TENM1: variants seen among roughly 807,000 people sequenced by gnomAD.
The protein encoded by TENM1 is teneurin-1.
TENM1 carries 35 observed loss-of-function variants against 174.8 expected under a neutral mutation model. The observed-to-expected ratio is 0.20, with a 90% CI of 0.15 to 0.27. TENM1 has a LOEUF of 0.27. Ranked by LOEUF, TENM1 falls within the 10% of genes least tolerant of loss-of-function variation. The probability of loss-of-function intolerance (pLI) is 1.00; values close to 1 mark genes in which losing one functional copy is unlikely to be tolerated. For missense variants in TENM1, 1,633 were observed against 2,130.1 expected (o/e 0.77, Z 4.59); for synonymous variants, 781 against 798.7 (o/e 0.98, Z 0.37).
intron 1 of TENM1, among the ~76,000 whole-genome samples, chrX:124,914,529 C>G (rs915760438): frequency 9.0e-6 from 1 of 111,692 alleles, no homozygotes; most frequent in East Asian, 2.8e-4. Context: ...TTAAAAGACG[C>G]CTTACATTTT....
intron 3 of TENM1, among the ~76,000 whole-genome samples, chrX:124,827,171 C>T (rs1378198776): frequency 1.8e-5 from 2 of 111,508 alleles, no homozygotes; most frequent in African/African-American, 6.5e-5. Context: ...CTGCCTCAGC[C>T]TCCTGAGTAG....
chrX:124,910,978 C>T lies in TENM1; in HGVS notation c.218-14737G>A, dbSNP rs932955193. Among the ~76,000 whole-genome samples the T allele has an allele frequency of 3.7e-5, 4 of 108,885 alleles. No individual in the cohort carries two copies. The East Asian group carries it at 8.6e-4, about 23-fold the overall frequency. 94.6% of individuals were successfully genotyped at this position (108,885 alleles called of 115,157 possible). ...ACCCAGGCTTTGGAGTGCAGTGGTG[C>T]GATCACAGCTCACTGCAGCTTTGAC... is the stretch of plus-strand genomic sequence containing the variant. On this transcript the variant is annotated intron_variant, in intron 1 of 31. Coordinates refer to ENST00000422452, the Ensembl canonical transcript of TENM1.
intron 25 of TENM1, among the ~76,000 whole-genome samples, chrX:124,411,475 G>T (rs906674693): frequency 1.3e-4 from 14 of 111,451 alleles, no homozygotes; most frequent in Non-Finnish European, 1.9e-4. Flanking sequence ...TTTCCTTTCT[G>T]TGGCCAGAGA....
the TENM1 span, among the ~76,000 whole-genome samples, chrX:125,139,101 G>A: frequency 9.0e-6 from 1 of 111,684 alleles, no homozygotes; most frequent in African/African-American, 3.3e-5. Context: ...TAAAGCACTG[G>A]GGATACCAAT....
In TENM1 at chrX:124,840,741, C is replaced by T. The variant is rs996224551; in HGVS notation, c.535+53555G>A. Among the ~76,000 whole-genome samples, 3 of 111,908 alleles carry T rather than the reference C, an allele frequency of 2.7e-5. No individual in the cohort carries two copies. The Admixed American group carries it at 2.9e-4, about 11-fold the overall frequency. Reference sequence around the variant, plus strand: ...AATCAGATCCTGCTTAAAATATGTGCTAATCAGTACTCAACTGCCTAGTTG... The same window carrying T: ...AATCAGATCCTGCTTAAAATATGTGTTAATCAGTACTCAACTGCCTAGTTG... On this transcript the variant is annotated intron_variant, in intron 3 of 31. Coordinates refer to ENST00000422452, the Ensembl canonical transcript of TENM1.
chrX:125,132,165 G>C, the TENM1 span, among the ~76,000 whole-genome samples: 2 of 111,526 alleles, frequency 1.8e-5, no homozygotes, highest in Non-Finnish European at 3.8e-5. Flanking sequence ...TCTACATAGT[G>C]GCTTTCTCAA....
chrX:124,891,042 G>A (rs964538987), intron 3 of TENM1, among the ~76,000 whole-genome samples: 1 of 111,330 alleles, frequency 9.0e-6, no homozygotes, highest in African/African-American at 3.3e-5. Context: ...AAATAAGTCA[G>A]GCACAGAAAG....
the TENM1 span, among the ~76,000 whole-genome samples, chrX:125,188,696 G>A: frequency 2.7e-5 from 3 of 111,779 alleles, no homozygotes; most frequent in Admixed American, 9.5e-5. Context: ...ACCTTATAAT[G>A]ACAACAGGGT....
At chrX:125,122,891 A>G in the TENM1 span, among the ~76,000 whole-genome samples, 1 of 111,872 alleles carries the variant, frequency 8.9e-6, no homozygotes, top group Admixed American at 9.5e-5. Flanking sequence ...ATTCTGCAGA[A>G]AAAAATATCA....
At chrX:124,792,651 T>A (rs2055205718) in intron 3 of TENM1, among the ~76,000 whole-genome samples, 1 of 111,543 alleles carries the variant, frequency 9.0e-6, no homozygotes. Flanking sequence ...TAAGGCACAA[T>A]GACAGATGAA....
intron 14 of TENM1, among the ~76,000 whole-genome samples, chrX:124,549,135 C>T (rs1021600582): frequency 1.8e-5 from 2 of 111,858 alleles, no homozygotes; most frequent in Non-Finnish European, 3.8e-5. Flanking sequence ...TTAGATACCA[C>T]TACCACCTCT....
chrX:124,714,290 T>G (rs903140840), intron 4 of TENM1, among the ~76,000 whole-genome samples: 13 of 112,079 alleles, frequency 1.2e-4, no homozygotes, highest in African/African-American at 4.2e-4. Context: ...TACATGAAAG[T>G]ACAAATGCCT....
At chrX:124,567,151 T>G (rs757737371) in intron 11 of TENM1, among the ~76,000 whole-genome samples, 1 of 111,764 alleles carries the variant, frequency 8.9e-6, no homozygotes, top group Non-Finnish European at 1.9e-5. Flanking sequence ...CCCTAAGATA[T>G]ATGTAAAAAG....
In TENM1 at chrX:124,517,732, C is replaced by A. The variant is rs769386939; in HGVS notation, c.3301+2785G>T. Reference sequence around the variant, plus strand: ...AATGCATATGACGAGTTAATGGGTGCAGCACACCAACATGGTGCATGTATA... The same window carrying A: ...AATGCATATGACGAGTTAATGGGTGAAGCACACCAACATGGTGCATGTATA... On this transcript the variant is annotated intron_variant, in intron 18 of 31. Transcript: ENST00000422452. 2.8e-5 allele frequency among the ~76,000 whole-genome samples: 3 copies of A among 108,675 alleles called. No homozygotes were observed. The South Asian group carries it at 1.3e-3, about 45-fold the overall frequency. 94.4% of individuals were successfully genotyped at this position (108,675 alleles called of 115,157 possible).
At chrX:124,744,753 A>T (rs989115606) in intron 3 of TENM1, among the ~76,000 whole-genome samples, 1 of 112,054 alleles carries the variant, frequency 8.9e-6, no homozygotes, top group Non-Finnish European at 1.9e-5. Context: ...GAATTAATTG[A>T]CAGTGTATCA....
At chrX:124,385,571 G>C in intron 29 of TENM1, 106 bp downstream of exon 32, 1 of 755,827 alleles carries the variant, frequency 1.3e-6, no homozygotes, top group Non-Finnish European at 1.9e-6. Flanking sequence ...TGAAAGTTGG[G>C]TTGAATGTGT....
chrX:124,778,225 G>T (rs954666749), intron 3 of TENM1, among the ~76,000 whole-genome samples: 3 of 112,756 alleles, frequency 2.7e-5, no homozygotes, highest in African/African-American at 9.7e-5. Flanking sequence ...GGAGGACGAG[G>T]TGGAGCCCCG....
chrX:125,147,596 C>G, the TENM1 span, among the ~76,000 whole-genome samples: 1 of 111,324 alleles, frequency 9.0e-6, no homozygotes, highest in African/African-American at 3.3e-5. Flanking sequence ...AACCACATCC[C>G]TTGTCTCTGA....
At chrX:125,038,070 T>C in the TENM1 span, among the ~76,000 whole-genome samples, 1 of 111,460 alleles carries the variant, frequency 9.0e-6, no homozygotes, top group Non-Finnish European at 1.9e-5. Flanking sequence ...TACTTAGCCC[T>C]GCTTGTCTCA....
Sources: gnomAD v4.1 joint callset for allele counts (sites outside exome capture counted in the v4.1 genomes callset) on GRCh38, gnomAD v4.1.1 for gene constraint, MANE v1.5 for transcripts, NCBI Gene and HGNC (gene_info 2026-07-23, HGNC 2026-07-21) for gene names.